XYLT1: variants seen among roughly 807,000 people sequenced by gnomAD.
XYLT1 encodes the protein beta-D-xylosyltransferase 1.
In XYLT1, 36 loss-of-function variants were observed where a neutral mutation model predicts 91.3. That is an observed-to-expected ratio of 0.39 (90% CI 0.30 to 0.52). The LOEUF (loss-of-function observed/expected upper bound fraction) is 0.52, where lower values mean the gene tolerates loss of function less well. XYLT1 is among the 20% of genes least tolerant of loss of function. The pLI, the probability that XYLT1 is intolerant of heterozygous loss-of-function variation, is 0.68. For missense variants in XYLT1, 1,242 were observed against 1,284.5 expected (o/e 0.97, Z 0.51); for synonymous variants, 588 against 532.0 (o/e 1.11, Z -1.45).
At chr16:17,290,339 G>A (rs1313722175) in intron 2 of XYLT1, among the ~76,000 whole-genome samples, 4 of 152,236 alleles carry the variant, frequency 2.6e-5, no homozygotes, top group East Asian at 3.8e-4. Context: ...CAAAGGCAGC[G>A]GAAGGTCCAT....
At chr16:17,151,387 C>T (rs1000992840) in intron 6 of XYLT1, among the ~76,000 whole-genome samples, 2 of 152,130 alleles carry the variant, frequency 1.3e-5, no homozygotes, top group East Asian at 1.9e-4. Context: ...GATTGCACTC[C>T]AGCCTGGGTG....
At chr16:17,319,011 C>T (rs2034677778) in intron 2 of XYLT1, among the ~76,000 whole-genome samples, 2 of 152,074 alleles carry the variant, frequency 1.3e-5, no homozygotes, top group East Asian at 1.9e-4. Context: ...TGGTCTCAAA[C>T]TCCTAACCTC....
At chr16:17,376,000 A>G (rs1251248163) in intron 1 of XYLT1, among the ~76,000 whole-genome samples, 2 of 152,238 alleles carry the variant, frequency 1.3e-5, no homozygotes, top group Non-Finnish European at 2.9e-5. Context: ...CTTGCGTCAG[A>G]GCCTGTACTG....
chr16:17,269,687 G>A (rs2141770854), intron 2 of XYLT1, among the ~76,000 whole-genome samples: 1 of 152,216 alleles, frequency 6.6e-6, no homozygotes, highest in Middle Eastern at 3.4e-3. Context: ...ACCCATTTGA[G>A]TCACACATAG....
chr16:17,131,044 C>T (rs2030450508), intron 9 of XYLT1, among the ~76,000 whole-genome samples: 1 of 152,186 alleles, frequency 6.6e-6, no homozygotes, highest in African/African-American at 2.4e-5. Context: ...TGTCTGCACA[C>T]TAGAATGGGA....
chr16:17,261,850 C>T (rs1209686384), intron 2 of XYLT1, among the ~76,000 whole-genome samples: 1 of 152,200 alleles, frequency 6.6e-6, no homozygotes, highest in Non-Finnish European at 1.5e-5. Context: ...ACTGGTTGTA[C>T]ACAGGAACTG....
chr16:17,166,965 T>C (rs1303714824), intron 5 of XYLT1, among the ~76,000 whole-genome samples: 1 of 152,224 alleles, frequency 6.6e-6, no homozygotes, highest in Non-Finnish European at 1.5e-5. Context: ...ATAATAACAA[T>C]TGCAGAAAGA....
intron 1 of XYLT1, among the ~76,000 whole-genome samples, chr16:17,404,301 A>G (rs8049170): frequency 0.026 from 3,890 of 152,270 alleles, 154 homozygotes; most frequent in African/African-American, 0.089. Flanking sequence ...TCAGAAAGCA[A>G]GAGAAAACAC....
intron 11 of XYLT1, among the ~76,000 whole-genome samples, chr16:17,116,357 G>A (rs1261692281): frequency 2.0e-5 from 3 of 152,164 alleles, no homozygotes; most frequent in Non-Finnish European, 2.9e-5. Context: ...CCTAACAGCT[G>A]CCTTTGACAT....
chr16:17,152,382 G>A (rs527407131), intron 6 of XYLT1, among the ~76,000 whole-genome samples: 1 of 152,234 alleles, frequency 6.6e-6, no homozygotes, highest in East Asian at 1.9e-4. Context: ...CATGCAAACA[G>A]TCATGAACGC....
chr16:17,253,388 T>C (rs2033575756), intron 3 of XYLT1, among the ~76,000 whole-genome samples: 1 of 152,076 alleles, frequency 6.6e-6, no homozygotes, highest in Non-Finnish European at 1.5e-5. Context: ...GCCAGTGCAC[T>C]AAAGGCCTCA....
chr16:17,452,182 T>C (rs1238099363), intron 1 of XYLT1, among the ~76,000 whole-genome samples: 1 of 152,220 alleles, frequency 6.6e-6, no homozygotes, highest in African/African-American at 2.4e-5. Flanking sequence ...CTTTGTATGG[T>C]TGGGTCATTA....
intron 2 of XYLT1, among the ~76,000 whole-genome samples, chr16:17,275,956 A>AAATAAGG (rs1250233728): frequency 2.0e-5 from 3 of 152,202 alleles, no homozygotes; most frequent in African/African-American, 7.2e-5. Context: ...CCAGAGACAT[A>AAATAAGG]AATAAGGAGA....
intron 3 of XYLT1, among the ~76,000 whole-genome samples, chr16:17,202,033 C>T (rs2032553055): frequency 6.6e-6 from 1 of 152,150 alleles, no homozygotes; most frequent in African/African-American, 2.4e-5. Flanking sequence ...ATATTTTATT[C>T]CGAAAATCAG....
intron 2 of XYLT1, among the ~76,000 whole-genome samples, chr16:17,294,046 G>A (rs1164251695): frequency 6.6e-6 from 1 of 152,164 alleles, no homozygotes; most frequent in African/African-American, 2.4e-5. Context: ...GTCCTCACCT[G>A]TAAAATAAGG....
intron 10 of XYLT1, among the ~76,000 whole-genome samples, chr16:17,122,545 T>G (rs1402015191): frequency 1.3e-5 from 2 of 152,240 alleles, no homozygotes; most frequent in African/African-American, 2.4e-5. Context: ...GGTTGTCTGT[T>G]TACTCTGCTG....
chr16:17,414,415 C>T (rs778292966), intron 1 of XYLT1, among the ~76,000 whole-genome samples: 9 of 152,110 alleles, frequency 5.9e-5, no homozygotes, highest in South Asian at 2.1e-4. Context: ...ACTACAGTCT[C>T]GACCTCCTGG....
intron 1 of XYLT1, among the ~76,000 whole-genome samples, chr16:17,424,394 A>G (rs960219493): frequency 2.0e-5 from 3 of 152,210 alleles, no homozygotes; most frequent in African/African-American, 7.2e-5. Flanking sequence ...ACAAATTCCA[A>G]TACTTATGTA....
intron 5 of XYLT1, among the ~76,000 whole-genome samples, chr16:17,184,090 G>A (rs2032127770): frequency 6.6e-6 from 1 of 151,200 alleles, no homozygotes; most frequent in Non-Finnish European, 1.5e-5. Flanking sequence ...ACCACCCCGG[G>A]CTCACATCCA....
Sources: gnomAD v4.1 joint callset for allele counts (sites outside exome capture counted in the v4.1 genomes callset) on GRCh38, gnomAD v4.1.1 for gene constraint, MANE v1.5 for transcripts, NCBI Gene and HGNC (gene_info 2026-07-23, HGNC 2026-07-21) for gene names.